ACOXL: variants seen among roughly 807,000 people sequenced by gnomAD.
ACOXL encodes acyl-CoA oxidase like.
Under a neutral mutation model 71.9 loss-of-function variants are expected in ACOXL, and 70 were observed. That is an observed-to-expected ratio of 0.97 (90% CI 0.80 to 1.19). The LOEUF (loss-of-function observed/expected upper bound fraction) is 1.19. ACOXL is among the 50% of genes most tolerant of loss of function. The probability of loss-of-function intolerance (pLI) is 0.00; values close to 1 mark genes in which losing one functional copy is unlikely to be tolerated. For synonymous variants in ACOXL, 253 were observed against 281.6 expected, an observed-to-expected ratio of 0.90 and a Z score of 1.02; for missense variants, 703 against 736.3, an observed-to-expected ratio of 0.95 and a Z score of 0.52.
chr2:111,087,727 G>A (rs148599358), intron 16 of ACOXL, among the ~76,000 whole-genome samples: 13 of 152,236 alleles, frequency 8.5e-5, no homozygotes, highest in South Asian at 2.1e-4. Context: ...CATTCCAGAC[G>A]TAGGAACTGG....
At chr2:110,805,009 T>C (rs1457958625) in intron 8 of ACOXL, among the ~76,000 whole-genome samples, 3 of 152,244 alleles carry the variant, frequency 2.0e-5, no homozygotes, top group Non-Finnish European at 4.4e-5. Flanking sequence ...TGGGTCAGTG[T>C]GCGGTCTGCA....
At chr2:110,769,152 G>A (rs1166438223) in intron 2 of ACOXL, among the ~76,000 whole-genome samples, 2 of 151,344 alleles carry the variant, frequency 1.3e-5, no homozygotes, top group Admixed American at 1.3e-4. Context: ...CTTATCCAAA[G>A]TTTATGTCTT....
At chr2:110,793,082 A>G (rs1401827356) in intron 3 of ACOXL, among the ~76,000 whole-genome samples, 1 of 152,160 alleles carries the variant, frequency 6.6e-6, no homozygotes, top group Non-Finnish European at 1.5e-5. Context: ...TACTCTCACC[A>G]TTCATTTATC....
intron 16 of ACOXL, among the ~76,000 whole-genome samples, chr2:111,073,129 A>T (rs949445225): frequency 2.6e-5 from 4 of 152,186 alleles, no homozygotes; most frequent in African/African-American, 9.7e-5. Context: ...GAGCTTTGAG[A>T]GTTATTTATA....
At chr2:110,917,052 T>C (rs1160026950) in intron 11 of ACOXL, among the ~76,000 whole-genome samples, 2 of 152,188 alleles carry the variant, frequency 1.3e-5, no homozygotes, top group African/African-American at 4.8e-5. Context: ...CCCTAACTCA[T>C]TTTATGAGGC....
At chr2:111,065,383 T>C (rs1351829087) in intron 16 of ACOXL, among the ~76,000 whole-genome samples, 2 of 152,244 alleles carry the variant, frequency 1.3e-5, no homozygotes, top group East Asian at 1.9e-4. Flanking sequence ...TGGACTTAAA[T>C]GTACATAAAA....
At chr2:111,073,933 C>T (rs2067468272) in intron 16 of ACOXL, among the ~76,000 whole-genome samples, 1 of 151,930 alleles carries the variant, frequency 6.6e-6, no homozygotes, top group Non-Finnish European at 1.5e-5. Context: ...TTTTTATTTC[C>T]AGCATAAGGA....
chr2:110,846,972 G>T (rs1691979552), intron 10 of ACOXL, among the ~76,000 whole-genome samples: 1 of 152,092 alleles, frequency 6.6e-6, no homozygotes, highest in African/African-American at 2.4e-5. Context: ...TATTATCATG[G>T]CGCTTTAATT....
At chr2:111,067,205 CCCA>C (rs2067115205) in intron 16 of ACOXL, among the ~76,000 whole-genome samples, 1 of 151,954 alleles carries the variant, frequency 6.6e-6, no homozygotes, top group Admixed American at 6.6e-5. Flanking sequence ...ACCAAAAAAC[CCCA>C]CCTTAGTCAC....
chr2:110,845,243 G>T (rs901209168), intron 10 of ACOXL, among the ~76,000 whole-genome samples: 2 of 152,202 alleles, frequency 1.3e-5, no homozygotes, highest in Non-Finnish European at 2.9e-5. Flanking sequence ...GCAGGGAGGA[G>T]TGCTGTGTTG....
intron 11 of ACOXL, among the ~76,000 whole-genome samples, chr2:110,912,785 T>C (rs945559645): frequency 7.2e-5 from 11 of 152,266 alleles, no homozygotes; most frequent in African/African-American, 2.6e-4. Context: ...TTTTTTGTGC[T>C]TAAAAAGTCA....
intron 3 of ACOXL, among the ~76,000 whole-genome samples, chr2:110,787,863 C>T (rs1412072752): frequency 6.6e-6 from 1 of 152,180 alleles, no homozygotes; most frequent in Non-Finnish European, 1.5e-5. Flanking sequence ...AACTTGAGTC[C>T]CATCCACTCG....
At chr2:111,086,520 G>C (rs1410105293) in intron 16 of ACOXL, among the ~76,000 whole-genome samples, 1 of 152,122 alleles carries the variant, frequency 6.6e-6, no homozygotes, top group Non-Finnish European at 1.5e-5. Flanking sequence ...GAATGGGATT[G>C]CATTCCTGAT....
chr2:110,955,922 A>C (rs1298878516), intron 12 of ACOXL, among the ~76,000 whole-genome samples: 2 of 147,562 alleles, frequency 1.4e-5, no homozygotes, highest in East Asian at 4.0e-4. Context: ...CCTTTCTGGA[A>C]CTTGCCACAG....
intron 17 of ACOXL, among the ~76,000 whole-genome samples, chr2:111,105,921 C>T (rs963822785): frequency 6.6e-6 from 1 of 152,206 alleles, no homozygotes; most frequent in Non-Finnish European, 1.5e-5. Flanking sequence ...AGTAAAATGT[C>T]ATTTCTCTTT....
chr2:110,841,674 T>C (rs1325558737), intron 10 of ACOXL, among the ~76,000 whole-genome samples: 1 of 152,144 alleles, frequency 6.6e-6, no homozygotes, highest in African/African-American at 2.4e-5. Flanking sequence ...ACAGAAGCAC[T>C]ATCTGGGTAA....
intron 15 of ACOXL, among the ~76,000 whole-genome samples, chr2:111,039,830 C>G (rs1014982637): frequency 6.6e-5 from 10 of 152,178 alleles, no homozygotes; most frequent in Admixed American, 5.9e-4. Flanking sequence ...CCAGTTCTTT[C>G]TGTGAGCTAG....
intron 11 of ACOXL, among the ~76,000 whole-genome samples, chr2:110,910,113 A>G (rs1462136873): frequency 6.6e-6 from 1 of 152,104 alleles, no homozygotes; most frequent in Non-Finnish European, 1.5e-5. Flanking sequence ...ATCATCCCCA[A>G]AAGTTCCCTC....
rs778422643 is a variant in ACOXL, at chr2:110,963,699, GT to G, written c.1060-23407del. 2.5e-6 allele frequency: 4 copies of G among 1,613,916 alleles called. No homozygotes were observed. The Admixed American group carries it at 5.0e-5, about 20-fold the overall frequency. On this transcript the variant is annotated intron_variant, in intron 12 of 17. Transcript: ENST00000439055. ...GTTTGCCACTTTTGAAGGTGACGAT[GT>G]TGTTATGCTTCAGGTAAGATTCGGG...
Sources: gnomAD v4.1 joint callset for allele counts (sites outside exome capture counted in the v4.1 genomes callset) on GRCh38, gnomAD v4.1.1 for gene constraint, MANE v1.5 for transcripts, NCBI Gene and HGNC (gene_info 2026-07-23, HGNC 2026-07-21) for gene names.